The following MAGI1 variants were observed in gnomAD, a reference collection of about 807,000 sequenced individuals.
MAGI1 encodes membrane associated guanylate kinase, WW and PDZ domain containing 1.
MAGI1 carries 58 observed loss-of-function variants against 139.9 expected under a neutral mutation model. The observed-to-expected ratio is 0.41, with a 90% CI of 0.34 to 0.52. MAGI1 has a LOEUF of 0.52. Among genes scored for constraint, MAGI1 ranks in the 20% least tolerant of loss-of-function variants. The pLI, the probability that MAGI1 is intolerant of heterozygous loss-of-function variation, is 0.12. For synonymous variants in MAGI1, 812 were observed against 737.9 expected, an observed-to-expected ratio of 1.10 and a Z score of -1.63; for missense variants, 1,874 against 1,901.6, an observed-to-expected ratio of 0.99 and a Z score of 0.27.
chr3:65,356,370 T>A lies in MAGI1; in HGVS notation c.*8A>T. On this transcript the variant is annotated 3_prime_UTR_variant, in exon 23 of 23. Coordinates refer to ENST00000402939, the MANE Select transcript of MAGI1 (RefSeq NM_001033057.2). ...GACACGGTAAAGGTTGGAATGTGAC[T>A]CAGCGTCTCAGATACTGAGGTCGGT... 1 of 1,564,490 alleles carries A rather than the reference T, an allele frequency of 6.4e-7. No individual in the cohort carries two copies. The highest frequency in any genetic ancestry group is 8.6e-7 in the Non-Finnish European group (1 of 1,162,516).
At chr3:65,683,528 G>A (rs1340329070) in intron 1 of MAGI1, among the ~76,000 whole-genome samples, 1 of 151,654 alleles carries the variant, frequency 6.6e-6, no homozygotes, top group African/African-American at 2.4e-5. Context: ...GAAAATACAT[G>A]CAAATCACAC....
At chr3:65,396,536 T>C (rs1429886727) in intron 13 of MAGI1, among the ~76,000 whole-genome samples, 1 of 152,204 alleles carries the variant, frequency 6.6e-6, no homozygotes, top group African/African-American at 2.4e-5. Context: ...CCCAGAATGA[T>C]TTCAAAATGT....
intron 1 of MAGI1, among the ~76,000 whole-genome samples, chr3:65,836,744 G>T (rs1247329618): frequency 1.3e-5 from 2 of 152,094 alleles, no homozygotes; most frequent in Non-Finnish European, 2.9e-5. Context: ...CTTGAACCCA[G>T]GAGGCGGAGG....
chr3:65,985,940 T>G (rs117667454), intron 1 of MAGI1, among the ~76,000 whole-genome samples: 1 of 152,242 alleles, frequency 6.6e-6, no homozygotes, highest in African/African-American at 2.4e-5. Flanking sequence ...GGCTTAGAAC[T>G]GTTAGTCAAG....
chr3:65,437,270 T>C, intron 9 of MAGI1, 23 bp from the exon 10 acceptor site: 4 of 1,492,390 alleles, frequency 2.7e-6, no homozygotes, highest in Non-Finnish European at 1.9e-6. Flanking sequence ...AAAGAAAGTT[T>C]CCTATTTTTC....
At chr3:66,009,950 C>CTGAGTAA (rs1399705010) in intron 1 of MAGI1, among the ~76,000 whole-genome samples, 4 of 151,682 alleles carry the variant, frequency 2.6e-5, no homozygotes, top group African/African-American at 7.3e-5. Context: ...CTGGTGGGTG[C>CTGAGTAA]CTGTAATCCC....
Position 65,938,875 on chromosome 3 carries a change from G to A in MAGI1, c.313+99121C>T, listed in dbSNP as rs1468541511. 5.3e-5 allele frequency among the ~76,000 whole-genome samples: 8 copies of A among 152,294 alleles called. No individual in the cohort carries two copies. The South Asian group carries it at 1.7e-3, about 32-fold the overall frequency. ...CTCAAAGACAAAAGAACTGGTGGGT[G>A]TCTTTGTAGCAGAGGGCAGTGCATA... On this transcript the variant is annotated intron_variant, in intron 1 of 22. Transcript: ENST00000402939.
chr3:65,452,047 ATC>A lies in MAGI1; in HGVS notation c.1042+1209_1042+1210del, dbSNP rs569488620. On this transcript the variant is annotated intron_variant, in intron 6 of 22. Coordinates refer to ENST00000402939, the MANE Select transcript of MAGI1 (RefSeq NM_001033057.2). Reference sequence around the variant, plus strand: ...ACTGAAATAATCAGTATAGTCTATTATCTCCCAAGCATGCAAAATACCAGAGC... The same window carrying A: ...ACTGAAATAATCAGTATAGTCTATTATCCCAAGCATGCAAAATACCAGAGC... Among the ~76,000 whole-genome samples the A allele has an allele frequency of 8.9e-4, 135 of 152,302 alleles. 1 individual carries two copies. Among genetic ancestry groups the A allele is most frequent in the Middle Eastern group, 3.4e-3 (1 of 294 alleles).
intron 1 of MAGI1, among the ~76,000 whole-genome samples, chr3:65,814,266 T>C (rs1038741296): frequency 1.5e-4 from 23 of 152,130 alleles, no homozygotes; most frequent in African/African-American, 5.6e-4. Flanking sequence ...CATGATAAAA[T>C]TCATTCTCTA....
intron 2 of MAGI1, chr3:65,499,149 T>C: frequency 2.0e-6 from 1 of 492,014 alleles, no homozygotes; most frequent in Non-Finnish European, 2.6e-6. Context: ...TTGATTCCTA[T>C]TGGCTGTGGT....
chr3:65,488,482 A>G (rs1311385053), intron 3 of MAGI1, among the ~76,000 whole-genome samples: 2 of 149,212 alleles, frequency 1.3e-5, no homozygotes, highest in Admixed American at 6.7e-5. Context: ...GACTATAGGC[A>G]TGCACCACCA....
At position 65,665,662 on chromosome 3, in the gene MAGI1, C is replaced by T. The variant is rs184282109; in HGVS notation, c.314-43574G>A. 9.2e-5 allele frequency among the ~76,000 whole-genome samples: 14 copies of T among 152,248 alleles called. 1 individual carries two copies. The highest frequency in any genetic ancestry group is 9.2e-4 in the Admixed American group (14 of 15,290). On this transcript the variant is annotated intron_variant, in intron 1 of 22. Coordinates refer to ENST00000402939, the MANE Select transcript of MAGI1 (RefSeq NM_001033057.2). ...GATCAGTATTTGCTAATTAAGTGTT[C>T]ATGGTGACCTTATACAACATAACTA... is the stretch of plus-strand genomic sequence containing the variant.
intron 1 of MAGI1, among the ~76,000 whole-genome samples, chr3:65,861,778 C>CTGGG (rs10663842): frequency 0.04 from 6,076 of 152,222 alleles, 386 homozygotes; most frequent in African/African-American, 0.13. Context: ...ATCACAGGGA[C>CTGGG]TGGGCCTTCA....
chr3:66,008,714 G>A (rs781383987), intron 1 of MAGI1: 1 of 152,376 alleles, frequency 6.6e-6, no homozygotes, highest in East Asian at 1.9e-4. Flanking sequence ...GGGGGGCAGG[G>A]AACAGTGTCC....
At chr3:65,808,354 G>A (rs1342983524) in intron 1 of MAGI1, among the ~76,000 whole-genome samples, 1 of 151,748 alleles carries the variant, frequency 6.6e-6, no homozygotes, top group Non-Finnish European at 1.5e-5. Context: ...ATACAAAAAG[G>A]CAGGCATGGT....
intron 1 of MAGI1, among the ~76,000 whole-genome samples, chr3:65,807,358 G>C (rs1027448114): frequency 1.3e-5 from 2 of 152,130 alleles, no homozygotes; most frequent in African/African-American, 4.8e-5. Flanking sequence ...GACAAAAAGG[G>C]ACCGGCTTTC....
intron 2 of MAGI1, among the ~76,000 whole-genome samples, chr3:65,580,086 T>G (rs894655098): frequency 2.0e-5 from 3 of 152,126 alleles, no homozygotes; most frequent in African/African-American, 7.2e-5. Context: ...AAACATTTCC[T>G]GAACAAGTTT....
At chr3:65,716,141 A>G (rs187265880) in intron 1 of MAGI1, among the ~76,000 whole-genome samples, 1 of 152,330 alleles carries the variant, frequency 6.6e-6, no homozygotes, top group African/African-American at 2.4e-5. Flanking sequence ...CAACTTAGGA[A>G]CTGATGTATT....
intron 1 of MAGI1, among the ~76,000 whole-genome samples, chr3:65,641,812 C>G (rs2084998477): frequency 6.6e-6 from 1 of 152,164 alleles, no homozygotes; most frequent in Admixed American, 6.6e-5. Flanking sequence ...TCCAAGTGAC[C>G]TGTACTTTGA....
Sources: allele counts gnomAD v4.1 joint callset (sites outside exome capture counted in the v4.1 genomes callset), GRCh38; gene constraint gnomAD v4.1.1; transcripts MANE v1.5; gene names NCBI Gene and HGNC (gene_info 2026-07-23, HGNC 2026-07-21).